Variants in TMEM266 observed in about 807,000 individuals in gnomAD.
TMEM266 encodes the protein transmembrane protein 266, also known as Hv1 related protein 1.
TMEM266 carries 33 observed loss-of-function variants against 50.5 expected under a neutral mutation model. The ratio of observed to expected loss-of-function variants is 0.65; its 90% CI spans 0.50 to 0.87. TMEM266 has a LOEUF of 0.87. Among genes scored for constraint, TMEM266 ranks in the 40% least tolerant of loss-of-function variants. The pLI is 0.00. For synonymous variants in TMEM266, 310 were observed against 292.3 expected (o/e 1.06, Z -0.62); for missense variants, 655 against 695.1 (o/e 0.94, Z 0.65).
At chr15:76,118,281 GC>G (rs1185985726) in intron 1 of TMEM266, among the ~76,000 whole-genome samples, 1 of 152,190 alleles carries the variant, frequency 6.6e-6, no homozygotes, top group African/African-American at 2.4e-5. Flanking sequence ...AAAACTTGAG[GC>G]CGGGTGTGGT....
chr15:76,189,243 G>C (rs2038531370), intron 8 of TMEM266, among the ~76,000 whole-genome samples: 5 of 151,118 alleles, frequency 3.3e-5, no homozygotes. Flanking sequence ...GAGGGAGGAA[G>C]GGAAGGAGGG....
At chr15:76,076,970 T>C (rs2036616117) in intron 1 of TMEM266, among the ~76,000 whole-genome samples, 1 of 151,924 alleles carries the variant, frequency 6.6e-6, no homozygotes, top group African/African-American at 2.4e-5. Flanking sequence ...GTTGTTGTTG[T>C]TGTTGTTTTT....
At chr15:76,103,216 G>A (rs2959836) in intron 1 of TMEM266, among the ~76,000 whole-genome samples, 43,068 of 151,872 alleles carry the variant, frequency 0.28, 6,438 homozygotes, top group African/African-American at 0.35. Context: ...ATGAAAGGGA[G>A]GAGTCAGCCA....
At chr15:76,088,754 G>A (rs1247844662) in intron 1 of TMEM266, among the ~76,000 whole-genome samples, 2 of 151,394 alleles carry the variant, frequency 1.3e-5, no homozygotes, top group South Asian at 2.1e-4. Flanking sequence ...CTGAGATCAC[G>A]CCACTGCACT....
rs751884312 is a variant in TMEM266 at position 76,204,242 on chromosome 15, T to G, written c.1523T>G (p.Val508Gly). ...CCTGTCATCCACTTCCAGCCCACTG[T>G]GCCCATGCTGGAGGACAAGTTCAGA... The change falls in exon 11 of 11, where the codon GTG (valine) becomes GGG (glycine). Residue 508 changes from valine to glycine, a missense_variant. Val to Gly is a moderately radical substitution (Grantham distance 109, BLOSUM62 -3). Transcript: ENST00000388942. 6.2e-7 allele frequency: 1 copy of G among 1,613,946 alleles called. No individual in the cohort carries two copies. Among genetic ancestry groups the G allele is most frequent in the Non-Finnish European group, 8.5e-7 (1 of 1,179,980 alleles).
At position 76,104,424 on chromosome 15, in the gene TMEM266, A is replaced by G. The variant is rs11854398; in HGVS notation, c.-96-29744A>G. Among the ~76,000 whole-genome samples the G allele has an allele frequency of 4.4e-3, 663 of 152,356 alleles. 1 individual carries two copies. The highest frequency in any genetic ancestry group is 0.015 in the African/African-American group (622 of 41,586). Reference sequence around the variant, plus strand: ...GGCTACCCTATTGGACTGTGCAGACATAGAACATTTCCATCATCCCAGGAA... The same window carrying G: ...GGCTACCCTATTGGACTGTGCAGACGTAGAACATTTCCATCATCCCAGGAA... On this transcript the variant is annotated intron_variant, in intron 1 of 10. Transcript: ENST00000388942.
intron 1 of TMEM266, among the ~76,000 whole-genome samples, chr15:76,131,942 C>G (rs1219531105): frequency 2.0e-5 from 3 of 152,200 alleles, no homozygotes; most frequent in African/African-American, 7.2e-5. Context: ...CTTGAGCACT[C>G]TCTTTTCTTA....
rs1442091069 is a variant in TMEM266, at chr15:76,175,620, G to A, written c.714G>A (p.Lys238=). 3 of 1,614,226 alleles carry A rather than the reference G, an allele frequency of 1.9e-6. No individual in the cohort carries two copies. The highest frequency in any genetic ancestry group is 1.7e-6 in the Non-Finnish European group (2 of 1,180,028). ...TTATCCAGCAGTACGAGAAGGCCAAGGTCATCCAAGACGAGCAGCTGGAGA... is the reference window on the plus strand; with the variant it reads ...TTATCCAGCAGTACGAGAAGGCCAAAGTCATCCAAGACGAGCAGCTGGAGA... Residue 238 remains lysine, a synonymous_variant, in exon 8 of 11, where the codon AAG becomes AAA. Coordinates refer to ENST00000388942, the MANE Select transcript of TMEM266 (RefSeq NM_152335.3).
chr15:76,089,747 C>A (rs2036824452), intron 1 of TMEM266, among the ~76,000 whole-genome samples: 1 of 152,034 alleles, frequency 6.6e-6, no homozygotes, highest in Non-Finnish European at 1.5e-5. Context: ...CAGGCGAGGG[C>A]AGAGGGGCAA....
chr15:76,120,815 A>G (rs1000900326), intron 1 of TMEM266, among the ~76,000 whole-genome samples: 1 of 151,228 alleles, frequency 6.6e-6, no homozygotes, highest in Admixed American at 6.6e-5. Context: ...TAACATTGGT[A>G]TGTGTTTTTG....
At chr15:76,183,218 C>A (rs1048381877) in intron 8 of TMEM266, among the ~76,000 whole-genome samples, 1 of 142,076 alleles carries the variant, frequency 7.0e-6, no homozygotes, top group Admixed American at 7.8e-5. Context: ...TGGGTTCAAG[C>A]GATTCTCCTG....
chr15:76,154,508 G>T (rs1189907147), intron 3 of TMEM266, among the ~76,000 whole-genome samples: 1 of 152,000 alleles, frequency 6.6e-6, no homozygotes, highest in Non-Finnish European at 1.5e-5. Flanking sequence ...CCTGTTTTCT[G>T]CTTGTCCCTT....
Position 76,117,247 on chromosome 15 carries a change from A to ATT in TMEM266, c.-96-16912_-96-16911dup, listed in dbSNP as rs10691642. On this transcript the variant is annotated intron_variant, in intron 1 of 10. Transcript: ENST00000388942. ...GATGCATAAATTTGACAGTGTGTAC[A>ATT]TTTTTTTTTTCATTGACAAGCTGTT... Among the ~76,000 whole-genome samples, 781 of 149,862 alleles carry ATT rather than the reference A, an allele frequency of 5.2e-3. 9 individuals are homozygous for ATT. Among genetic ancestry groups the ATT allele is most frequent in the African/African-American group, 0.018 (728 of 40,886 alleles).
chr15:76,161,617 C>T lies in TMEM266; in HGVS notation c.456+1449C>T, dbSNP rs2038019399. 6.6e-6 allele frequency among the ~76,000 whole-genome samples: 1 copy of T among 152,182 alleles called. No individual in the cohort carries two copies. The highest frequency in any genetic ancestry group is 6.5e-5 in the Admixed American group (1 of 15,286). The stretch of plus-strand genomic sequence containing the variant: ...TTCCTGGGCCTCGCCTCCTACAGCC[C>T]ACGGAGCTGGCTGGTGAGCCTGGGC... On this transcript the variant is annotated intron_variant, in intron 5 of 10. Transcript: ENST00000388942. This position sits in a 1 kb window ranked among gnomAD's most constrained non-coding sequence, Gnocchi z 4.1.
At chr15:76,097,668 C>T (rs2036941713) in intron 1 of TMEM266, among the ~76,000 whole-genome samples, 1 of 151,868 alleles carries the variant, frequency 6.6e-6, no homozygotes, top group East Asian at 1.9e-4. Flanking sequence ...GGAAGTTCTC[C>T]CCAACCTAGA....
chr15:76,189,836 A>G (rs960298018), intron 8 of TMEM266, among the ~76,000 whole-genome samples: 1 of 152,046 alleles, frequency 6.6e-6, no homozygotes, highest in Non-Finnish European at 1.5e-5. Context: ...TTAAATGAAA[A>G]TCTTTCCCCC....
intron 8 of TMEM266, 91 bp from the exon 9 acceptor site, chr15:76,191,877 C>G: frequency 8.1e-7 from 1 of 1,227,628 alleles, no homozygotes; most frequent in Non-Finnish European, 1.1e-6. Context: ...CCCACCCCGC[C>G]CCCATGCAGG....
At position 76,204,106 on chromosome 15, in the gene TMEM266, C is replaced by G. The variant is rs375411507; in HGVS notation, c.1387C>G (p.Leu463Val). ...CCAGAAGGCCTTGGACCCAGCCCCCCTCGCCCGGCCCAGCCCAGCGGGCTC... is the reference window on the plus strand; with the variant it reads ...CCAGAAGGCCTTGGACCCAGCCCCCGTCGCCCGGCCCAGCCCAGCGGGCTC... The change falls in exon 11 of 11, where the codon CTC (leucine) becomes GTC (valine). Residue 463 changes from leucine to valine, a missense_variant. Around this residue, in one of 3 missense-constraint regions of TMEM266, gnomAD observed 455 missense variants for 401.8 expected, o/e 1.13. Transcript: ENST00000388942. 9.3e-6 allele frequency: 15 copies of G among 1,612,778 alleles called. No homozygotes were observed. In the East Asian group the frequency reaches 1.3e-4, roughly 14 times the overall value.
chr15:76,113,014 C>T (rs1351304332), intron 1 of TMEM266: 2 of 152,126 alleles, frequency 1.3e-5, no homozygotes, highest in Non-Finnish European at 2.9e-5. Flanking sequence ...CTCCTACCCA[C>T]TCCTATGAAA....
Sources: allele counts gnomAD v4.1 joint callset (sites outside exome capture counted in the v4.1 genomes callset), GRCh38; gene constraint gnomAD v4.1.1; regional missense constraint gnomAD v4.1.1; non-coding constraint Gnocchi (gnomAD v3.1); transcripts MANE v1.5; gene names NCBI Gene and HGNC (gene_info 2026-07-23, HGNC 2026-07-21).